The following DENND5A variants were observed in gnomAD, a reference collection of about 807,000 sequenced individuals.
The protein encoded by DENND5A is DENN domain-containing protein 5A.
DENND5A carries 64 observed loss-of-function variants against 140.3 expected under a neutral mutation model. The observed-to-expected ratio is 0.46, with a 90% CI of 0.37 to 0.56. The LOEUF is 0.56. Among genes scored for constraint, DENND5A ranks in the 20% least tolerant of loss-of-function variants. The probability of loss-of-function intolerance (pLI) is 0.00; values close to 1 mark genes in which losing one functional copy is unlikely to be tolerated. For missense variants in DENND5A, 1,292 were observed against 1,593.8 expected, an observed-to-expected ratio of 0.81 and a Z score of 3.22; for synonymous variants, 605 against 607.7, an observed-to-expected ratio of 1.00 and a Z score of 0.07.
intron 1 of DENND5A, among the ~76,000 whole-genome samples, chr11:9,237,137 G>A (rs1590319293): frequency 6.6e-6 from 1 of 152,158 alleles, no homozygotes; most frequent in South Asian, 2.1e-4. Context: ...ATATGTTTGG[G>A]CCGGCACGGT....
At chr11:9,181,454 C>A (rs890325023) in intron 5 of DENND5A, among the ~76,000 whole-genome samples, 3 of 152,114 alleles carry the variant, frequency 2.0e-5, no homozygotes, top group South Asian at 2.1e-4. Flanking sequence ...TTGGTAAAGG[C>A]CAGGCGCAGT....
rs907701277 is a variant in DENND5A, at chr11:9,200,156, T to C, written c.949+3504A>G. On this transcript the variant is annotated intron_variant, in intron 4 of 22. Transcript: ENST00000328194. ...TGTTATTTTTCCATTATGTTCATCA[T>C]ATTTGTTTCAATCATCCTTTCCTTG... Among the ~76,000 whole-genome samples the C allele has an allele frequency of 6.6e-5, 10 of 152,344 alleles. No homozygotes were observed. The South Asian group carries it at 1.4e-3, about 22-fold the overall frequency.
intron 1 of DENND5A, among the ~76,000 whole-genome samples, chr11:9,240,876 A>T (rs1005182596): frequency 6.6e-6 from 1 of 152,160 alleles, no homozygotes; most frequent in Non-Finnish European, 1.5e-5. Context: ...TCAAGTAGAA[A>T]CAAAAAATGT....
intron 2 of DENND5A, 97 bp downstream of exon 2, chr11:9,207,464 A>G: frequency 1.1e-6 from 1 of 899,520 alleles, no homozygotes; most frequent in Non-Finnish European, 1.8e-6. Flanking sequence ...AAGGCACAAG[A>G]AAGTTAGAAG....
At chr11:9,179,218 G>A (rs1466363471) in intron 6 of DENND5A, 145 bp from the exon 7 acceptor site, 17 of 668,024 alleles carry the variant, frequency 2.5e-5, no homozygotes, top group Non-Finnish European at 4.2e-5. Context: ...AGGAAAAACT[G>A]GAAAAAATAA....
chr11:9,195,897 C>CAA (rs929610303), intron 4 of DENND5A, among the ~76,000 whole-genome samples: 2 of 145,444 alleles, frequency 1.4e-5, no homozygotes, highest in Non-Finnish European at 3.0e-5. Context: ...TCTCAAAAAA[C>CAA]AAAAAAAAAA....
At position 9,178,181 on chromosome 11, in the gene DENND5A, A is replaced by G. The variant is rs930012356; in HGVS notation, c.1857T>C (p.Pro619=). The G allele has an allele frequency of 1.9e-6, 3 of 1,614,122 alleles. No homozygotes were observed. Among genetic ancestry groups the G allele is most frequent in the East Asian group, 2.2e-5 (1 of 44,888 alleles). ...TCTGGTACATGGATGTACGGAGAGT[A>G]GGTGTCCGAACATTCAACAGCCTGA... is the stretch of plus-strand genomic sequence containing the variant. ...DKIRLLNVRT[P]TLRTSMYQKC... The change falls in exon 8 of 23, where the codon CCT becomes CCC. Residue 619 remains proline (P), a synonymous_variant. Transcript: ENST00000328194.
At position 9,170,663 on chromosome 11, in the gene DENND5A, T is replaced by A. The variant is rs759854633; in HGVS notation, c.2021A>T (p.Gln674Leu). ...KYEPGFFPKL[Q>L]SDVLSTGPAS... ...TGGCCCAGTGGAAAGTACATCAGACTGCAGCTTAGGGAAGAAGCCCGGCTC... is the reference window on the plus strand; with the variant it reads ...TGGCCCAGTGGAAAGTACATCAGACAGCAGCTTAGGGAAGAAGCCCGGCTC... Residue 674 changes from glutamine (Q) to leucine (L), a missense_variant, in exon 9 of 23, where the codon CAG (glutamine) becomes CTG (leucine). Around this residue, in one of 4 missense-constraint regions of DENND5A, gnomAD observed 199 missense variants for 189.1 expected, o/e 1.05. Coordinates refer to ENST00000328194, the MANE Select transcript of DENND5A (RefSeq NM_015213.4). The A allele has an allele frequency of 1.9e-6, 3 of 1,614,018 alleles. No homozygotes were observed. In the Admixed American group the frequency reaches 5.0e-5, roughly 27 times the overall value.
At chr11:9,191,928 C>T (rs1002486991) in intron 5 of DENND5A, among the ~76,000 whole-genome samples, 4 of 152,212 alleles carry the variant, frequency 2.6e-5, no homozygotes, top group Non-Finnish European at 4.4e-5. Flanking sequence ...TTTCTCCAGT[C>T]GACTCTTCAG....
At chr11:9,190,331 G>C (rs1468722328) in intron 5 of DENND5A, among the ~76,000 whole-genome samples, 1 of 152,144 alleles carries the variant, frequency 6.6e-6, no homozygotes, top group Admixed American at 6.5e-5. Context: ...CGGTTTGGCT[G>C]TGTCCCCACC....
In DENND5A at chr11:9,147,028, A is replaced by T; in HGVS notation, c.2857+2T>A. On this transcript the variant is annotated splice_donor_variant, in intron 16 of 22. Transcript: ENST00000328194. LOFTEE classifies it high-confidence loss of function. ...GCCAGCTGGGAGCACAGGGCTACTC[A>T]CGGATAGTTGTGAAGACATTGGTGA... is the stretch of plus-strand genomic sequence containing the variant. 1.2e-6 allele frequency: 2 copies of T among 1,614,190 alleles called. No individual in the cohort carries two copies. Among genetic ancestry groups the T allele is most frequent in the Non-Finnish European group, 1.7e-6 (2 of 1,180,004 alleles).
At position 9,265,085 on chromosome 11, in the gene DENND5A, A is replaced by C. The variant is rs1486169346; in HGVS notation, c.-16T>G. On this transcript the variant is annotated 5_prime_UTR_variant, in exon 1 of 23. Transcript: ENST00000328194. This position sits in a 1 kb window ranked among gnomAD's most constrained non-coding sequence, Gnocchi z 4.7. ...CGCCACTCATGGCGCCGGGGCCGAG[A>C]CCGGCCGGGCAGTGCGGAGCGGCAC... 2.9e-5 allele frequency: 43 copies of C among 1,496,864 alleles called. No homozygotes were observed. The Admixed American group carries it at 8.6e-4, about 30-fold the overall frequency. The allele number at this position is 1,496,864 out of a possible 1,614,324, so 92.7% of individuals were successfully genotyped here.
At chr11:9,192,336 T>C (rs1340681502) in intron 5 of DENND5A, among the ~76,000 whole-genome samples, 2 of 151,862 alleles carry the variant, frequency 1.3e-5, no homozygotes, top group Non-Finnish European at 2.9e-5. Flanking sequence ...TATACAAAAA[T>C]CTCTACCCCC....
chr11:9,262,797 A>C (rs1169823328), intron 1 of DENND5A, among the ~76,000 whole-genome samples: 1 of 151,830 alleles, frequency 6.6e-6, no homozygotes, highest in Non-Finnish European at 1.5e-5. Context: ...GCTGGAGTGC[A>C]GTGGCGCGAT....
In DENND5A at chr11:9,164,399, T is replaced by A. The variant is rs547905526; in HGVS notation, c.2283+1437A>T. Reference sequence around the variant, plus strand: ...AATTTATTCTGCAAGAGACAGCATATTTTATTCCCTCCTATAAATGAACAT... The same window carrying A: ...AATTTATTCTGCAAGAGACAGCATAATTTATTCCCTCCTATAAATGAACAT... On this transcript the variant is annotated intron_variant, in intron 11 of 22. Transcript: ENST00000328194. 3.3e-5 allele frequency among the ~76,000 whole-genome samples: 5 copies of A among 151,906 alleles called. No homozygotes were observed. In the East Asian group the frequency reaches 9.7e-4, roughly 29 times the overall value.
intron 1 of DENND5A, among the ~76,000 whole-genome samples, chr11:9,258,139 A>G (rs995218463): frequency 1.3e-5 from 2 of 151,984 alleles, no homozygotes; most frequent in African/African-American, 2.4e-5. Flanking sequence ...TTTAAATTAT[A>G]CTTTAAGTTC....
At chr11:9,261,731 T>C (rs7124178) in intron 1 of DENND5A, among the ~76,000 whole-genome samples, 46,168 of 145,468 alleles carry the variant, frequency 0.32, 7,894 homozygotes, top group East Asian at 0.5. Flanking sequence ...TGAGCCACTA[T>C]TGCAGCACTG....
chr11:9,140,089 C>T, intron 22 of DENND5A: 1 of 1,312,544 alleles, frequency 7.6e-7, no homozygotes. Flanking sequence ...TCCTCCTCCC[C>T]TGCCTCCCTC....
At chr11:9,176,613 G>A (rs1355795963) in intron 8 of DENND5A, among the ~76,000 whole-genome samples, 6 of 152,102 alleles carry the variant, frequency 3.9e-5, no homozygotes, top group Non-Finnish European at 8.8e-5. Flanking sequence ...AATAATGATA[G>A]CTAGAAAAAG....
Sources: allele counts gnomAD v4.1 joint callset (sites outside exome capture counted in the v4.1 genomes callset), GRCh38; gene constraint gnomAD v4.1.1; regional missense constraint gnomAD v4.1.1; non-coding constraint Gnocchi (gnomAD v3.1); transcripts MANE v1.5; gene names NCBI Gene and HGNC (gene_info 2026-07-23, HGNC 2026-07-21).